FRY: variants seen among roughly 807,000 people sequenced by gnomAD.
FRY encodes protein furry homolog.
In FRY, 128 loss-of-function variants were observed where a neutral mutation model predicts 348.4. That is an observed-to-expected ratio of 0.37 (90% CI 0.32 to 0.43). FRY has a LOEUF of 0.43. Ranked by LOEUF, FRY falls within the 20% of genes least tolerant of loss-of-function variation. FRY has a pLI of 1.00. For synonymous variants in FRY, 1,370 were observed against 1,374.7 expected (o/e 1.00, Z 0.08); for missense variants, 2,736 against 3,695.2 (o/e 0.74, Z 6.73).
At chr13:32,080,130 T>C (rs758247917) in intron 2 of FRY, among the ~76,000 whole-genome samples, 3 of 152,206 alleles carry the variant, frequency 2.0e-5, no homozygotes, top group Non-Finnish European at 4.4e-5. Context: ...TCAGTGGATG[T>C]TATATTTATC....
At chr13:32,268,006 C>T (rs1429423309) in intron 55 of FRY, among the ~76,000 whole-genome samples, 2 of 152,196 alleles carry the variant, frequency 1.3e-5, no homozygotes, top group African/African-American at 4.8e-5. Flanking sequence ...ATGAATGTCC[C>T]TGCCTCCAGA....
At chr13:32,271,888 G>A (rs559321605) in intron 55 of FRY, among the ~76,000 whole-genome samples, 109 of 152,310 alleles carry the variant, frequency 7.2e-4, no homozygotes, top group African/African-American at 2.5e-3. Flanking sequence ...AAATTAAAAT[G>A]CAAATGAGCT....
In FRY at chr13:32,224,967, G is replaced by A. The variant is rs1885504280; in HGVS notation, c.4951G>A (p.Val1651Met). The A allele has an allele frequency of 1.9e-6, 3 of 1,610,784 alleles. No homozygotes were observed. The highest frequency in any genetic ancestry group is 2.2e-5 in the East Asian group (1 of 44,856). ...TGCTGTAATTTTTATGACTGAAATG[G>A]TGGTGGATCACAGTGTACGAGAAGA... Reference protein sequence around the residue: ...NIAVIFMTEMVVDHSVREDWA... With the variant: ...NIAVIFMTEMMVDHSVREDWA... The change falls in exon 38 of 61, where the codon GTG (valine) becomes ATG (methionine). Residue 1651 changes from valine to methionine, a missense_variant. Coordinates refer to ENST00000542859, the MANE Select transcript of FRY (RefSeq NM_023037.3).
intron 1 of FRY, among the ~76,000 whole-genome samples, chr13:32,074,069 G>T (rs1211288763): frequency 2.6e-5 from 4 of 152,160 alleles, no homozygotes; most frequent in Admixed American, 6.6e-5. Context: ...TGTTCAAAAA[G>T]ATCATCAGTC....
chr13:32,075,520 G>T (rs1416305025), intron 1 of FRY, among the ~76,000 whole-genome samples: 1 of 152,196 alleles, frequency 6.6e-6, no homozygotes, highest in African/African-American at 2.4e-5. Flanking sequence ...TAGATTAAGG[G>T]CAAGCAAATG....
chr13:32,268,593 C>G (rs1339629551), intron 55 of FRY, among the ~76,000 whole-genome samples: 2 of 142,362 alleles, frequency 1.4e-5, no homozygotes, highest in Non-Finnish European at 3.0e-5. Context: ...AAATTATACA[C>G]CAGAATATCA....
intron 36 of FRY, 29 bp from the exon 37 acceptor site, chr13:32,224,206 A>G (rs1429347441): frequency 6.2e-7 from 1 of 1,607,766 alleles, no homozygotes; most frequent in Non-Finnish European, 8.5e-7. Context: ...CCCTGAAAAT[A>G]AAGCACAGTT....
At chr13:32,267,074 C>A (rs1203218944) in intron 54 of FRY, 96 bp from the exon 55 acceptor site, 24 of 1,095,908 alleles carry the variant, frequency 2.2e-5, no homozygotes, top group Non-Finnish European at 2.1e-5. Context: ...AGAATAGCTA[C>A]CTCATTTTGC....
intron 16 of FRY, among the ~76,000 whole-genome samples, chr13:32,157,978 G>A (rs539834): frequency 0.69 from 105,071 of 152,094 alleles, 36,723 homozygotes; most frequent in East Asian, 0.98. Flanking sequence ...AAGAAAGTTT[G>A]GACTGTGTTG....
At chr13:32,164,539 T>C (rs1299062570) in intron 17 of FRY, among the ~76,000 whole-genome samples, 2 of 152,282 alleles carry the variant, frequency 1.3e-5, no homozygotes, top group East Asian at 3.9e-4. Flanking sequence ...ATGACAACAG[T>C]GTATACAACG....
intron 29 of FRY, among the ~76,000 whole-genome samples, chr13:32,198,135 T>G (rs781335956): frequency 3.3e-5 from 5 of 152,200 alleles, no homozygotes; most frequent in Non-Finnish European, 7.3e-5. Context: ...GTGTTGTTGC[T>G]TATGAATTTA....
At chr13:32,261,540 A>G (rs1253266885) in intron 51 of FRY, 76 bp from the exon 52 acceptor site, 1 of 1,172,736 alleles carries the variant, frequency 8.5e-7, no homozygotes, top group Non-Finnish European at 1.3e-6. Flanking sequence ...TTCCCAAGCT[A>G]TGACTAATTG....
intron 1 of FRY, among the ~76,000 whole-genome samples, chr13:32,049,954 C>T (rs1168735047): frequency 6.6e-6 from 1 of 152,204 alleles, no homozygotes; most frequent in Admixed American, 6.5e-5. Flanking sequence ...AGACAATATG[C>T]TCTTTAAATA....
chr13:32,065,662 G>A (rs954105989), intron 1 of FRY, among the ~76,000 whole-genome samples: 3 of 151,746 alleles, frequency 2.0e-5, no homozygotes, highest in Non-Finnish European at 2.9e-5. Context: ...GTGCAGTGGC[G>A]CAATCATAGC....
At chr13:32,217,300 T>G (rs939669145) in intron 35 of FRY, among the ~76,000 whole-genome samples, 5 of 152,208 alleles carry the variant, frequency 3.3e-5, no homozygotes, top group African/African-American at 1.2e-4. Context: ...TCATTTTATA[T>G]AAAATAAATA....
chr13:32,238,573 T>C, intron 44 of FRY, among the ~76,000 whole-genome samples: 1 of 152,102 alleles, frequency 6.6e-6, no homozygotes. Context: ...TGCCTCAGCC[T>C]CCGGAGTAGC....
chr13:32,168,088 T>C (rs999371513), intron 17 of FRY, among the ~76,000 whole-genome samples: 2 of 152,176 alleles, frequency 1.3e-5, no homozygotes, highest in Non-Finnish European at 2.9e-5. Flanking sequence ...CATGTAGTTA[T>C]GGAGACTGGC....
intron 59 of FRY, 89 bp from the exon 60 acceptor site, chr13:32,294,279 A>G (rs941711066): frequency 9.3e-6 from 8 of 862,246 alleles, no homozygotes; most frequent in African/African-American, 1.7e-5. Context: ...ATGCTTAACC[A>G]CACCCATAAG....
chr13:32,138,951 C>T (rs1397401600), intron 11 of FRY, among the ~76,000 whole-genome samples: 6 of 152,074 alleles, frequency 3.9e-5, no homozygotes, highest in African/African-American at 1.4e-4. Flanking sequence ...CCCCACGAAT[C>T]ACGAAAGAAA....
Sources: gnomAD v4.1 joint callset for allele counts (sites outside exome capture counted in the v4.1 genomes callset) on GRCh38, gnomAD v4.1.1 for gene constraint, MANE v1.5 for transcripts, NCBI Gene and HGNC (gene_info 2026-07-23, HGNC 2026-07-21) for gene names.